ATRX: variants seen among roughly 807,000 people sequenced by gnomAD.
ATRX encodes the protein ATRX chromatin remodeler, also known as chromatin remodeler ATRX.
ATRX carries 12 observed loss-of-function variants against 172.6 expected under a neutral mutation model. The observed-to-expected ratio is 0.07, with a 90% CI of 0.04 to 0.11. The LOEUF (loss-of-function observed/expected upper bound fraction) is 0.11, where lower values mean the gene tolerates loss of function less well. Ranked by LOEUF, ATRX falls within the 10% of genes least tolerant of loss-of-function variation. ATRX has a pLI of 1.00. For synonymous variants in ATRX, 674 were observed against 594.7 expected (o/e 1.13, Z -1.94); for missense variants, 1,368 against 1,767.4 (o/e 0.77, Z 4.05).
chrX:77,650,718 G>A (rs2069172049), intron 15 of ATRX, among the ~76,000 whole-genome samples: 1 of 110,448 alleles, frequency 9.1e-6, no homozygotes, highest in South Asian at 3.9e-4. Context: ...CCAAGAGGCT[G>A]AGATCACAGG....
In ATRX at chrX:77,623,635, A is replaced by G. The variant is rs149058594; in HGVS notation, c.5135-3103T>C. On this transcript the variant is annotated intron_variant, in intron 19 of 34. Transcript: ENST00000373344. ...ACAGACCATTATCCTCAATGAACAT[A>G]GATGCTAAAATCCTTAACAAAAATA... 3.5e-3 allele frequency among the ~76,000 whole-genome samples: 390 copies of G among 112,142 alleles called. 3 individuals carry two copies. Among genetic ancestry groups the G allele is most frequent in the African/African-American group, 0.012 (372 of 30,909 alleles).
intron 1 of ATRX, among the ~76,000 whole-genome samples, chrX:77,735,710 G>A (rs1239725029): frequency 2.0e-5 from 2 of 97,855 alleles, no homozygotes; most frequent in Non-Finnish European, 4.1e-5. Flanking sequence ...GCTGAGGCTG[G>A]AGAATGGCGT....
In ATRX at chrX:77,643,149, T is replaced by C. The variant is rs975867092; in HGVS notation, c.4558-7093A>G. Among the ~76,000 whole-genome samples the C allele has an allele frequency of 5.4e-5, 6 of 111,221 alleles. No individual in the cohort carries two copies. The East Asian group carries it at 8.5e-4, about 16-fold the overall frequency. On this transcript the variant is annotated intron_variant, in intron 15 of 34. Transcript: ENST00000373344. Reference sequence around the variant, plus strand: ...AGCAGATGTTATTTACAAATTATTGTGTAAATTTTATCTAACCTGTCTGAA... The same window carrying C: ...AGCAGATGTTATTTACAAATTATTGCGTAAATTTTATCTAACCTGTCTGAA...
At position 77,684,150 on chromosome X, in the gene ATRX, C is replaced by A. The variant is rs782039983; in HGVS notation, c.1106G>T (p.Ser369Ile). 8.3e-7 allele frequency: 1 copy of A among 1,208,060 alleles called. No homozygotes were observed. Among genetic ancestry groups the A allele is most frequent in the Non-Finnish European group, 1.1e-6 (1 of 893,413 alleles). ...LIETTANMNS[S>I]YVKFLKQATD... ...TGCCTGCTTTAAAAATTTAACATAA[C>A]TGGAGTTCATGTTGGCTGTGGTCTC... is the stretch of plus-strand genomic sequence containing the variant. Residue 369 changes from serine (S) to isoleucine (I), a missense_variant, in exon 9 of 35, where the codon AGT (serine) becomes ATT (isoleucine). By Grantham distance (142) the Ser-to-Ile change is moderately radical. Around this residue, in one of 17 missense-constraint regions of ATRX, gnomAD observed 843 missense variants for 643.1 expected, o/e 1.31. Coordinates refer to ENST00000373344, the MANE Select transcript of ATRX (RefSeq NM_000489.6).
chrX:77,619,009 A>C, intron 20 of ATRX, 28 bp from the exon 21 acceptor site: 1 of 1,051,726 alleles, frequency 9.5e-7, no homozygotes, highest in South Asian at 2.0e-5. Context: ...ATTCATTAAC[A>C]ACATTAACAA....
intron 1 of ATRX, among the ~76,000 whole-genome samples, chrX:77,763,465 CTTTT>C (rs1312728503): frequency 1.3e-5 from 1 of 74,344 alleles, no homozygotes; most frequent in Admixed American, 1.6e-4. Context: ...TTTCTTTTTT[CTTTT>C]TTTTAAAAAA....
In ATRX at chrX:77,718,622, T is replaced by G. The variant is rs191033839; in HGVS notation, c.21-1379A>C. On this transcript the variant is annotated intron_variant, in intron 1 of 34. Transcript: ENST00000373344. ...ATCTCCTGACCTCGTGATCCACCCA[T>G]CTCGGCCTCCCAAAGTGCTGGGATT... is the stretch of plus-strand genomic sequence containing the variant. Among the ~76,000 whole-genome samples the G allele has an allele frequency of 1.1e-4, 12 of 110,834 alleles. No individual in the cohort carries two copies. In the East Asian group the frequency reaches 3.4e-3, roughly 32 times the overall value.
chrX:77,711,655 T>G (rs1415019514), intron 2 of ATRX, among the ~76,000 whole-genome samples: 1 of 111,200 alleles, frequency 9.0e-6, no homozygotes, highest in African/African-American at 3.3e-5. Flanking sequence ...GCCAACATGG[T>G]GAAACACTGC....
chrX:77,588,862 A>G (rs1247381359), intron 27 of ATRX, among the ~76,000 whole-genome samples: 1 of 112,314 alleles, frequency 8.9e-6, no homozygotes, highest in Non-Finnish European at 1.9e-5. Context: ...CAACAAGTAC[A>G]TTAAAAGATG....
chrX:77,736,622 C>T (rs1359467776), intron 1 of ATRX, among the ~76,000 whole-genome samples: 3 of 112,382 alleles, frequency 2.7e-5, no homozygotes, highest in Non-Finnish European at 3.8e-5. Flanking sequence ...TTGGCAACAA[C>T]GTGAAATAGG....
rs782022655 is a variant in ATRX, at chrX:77,766,587, G to A, written c.20+19395C>T. Among the ~76,000 whole-genome samples, 24 of 106,203 alleles carry A rather than the reference G, an allele frequency of 2.3e-4. No individual in the cohort carries two copies. In the East Asian group the frequency reaches 4.6e-3, roughly 20 times the overall value. The allele number at this position is 106,203 out of a possible 115,157, so 92.2% of individuals were successfully genotyped here. A position where few individuals can be genotyped will look rare whatever the true frequency, so the allele number is the denominator to read the frequency against. On this transcript the variant is annotated intron_variant, in intron 1 of 34. Coordinates refer to ENST00000373344, the MANE Select transcript of ATRX (RefSeq NM_000489.6). Reference sequence around the variant, plus strand: ...GCGCTCCTCACATCCCAGACGGGGCGGCGGGGCAGAGGCGCTCCCCACATC... The same window carrying A: ...GCGCTCCTCACATCCCAGACGGGGCAGCGGGGCAGAGGCGCTCCCCACATC...
rs781787358 is a variant in ATRX, at chrX:77,660,275, A to G, written c.4120+3107T>C. On this transcript the variant is annotated intron_variant, in intron 12 of 34. Transcript: ENST00000373344. ...TTGCAGCCATATTGCAAAGAAATTT[A>G]TAAGACAAGCTGGGCGCAGTGGCTC... Among the ~76,000 whole-genome samples the G allele has an allele frequency of 5.3e-5, 6 of 112,220 alleles. No individual in the cohort carries two copies. The South Asian group carries it at 2.2e-3, about 41-fold the overall frequency.
intron 1 of ATRX, among the ~76,000 whole-genome samples, chrX:77,743,357 G>A (rs1429543366): frequency 9.0e-6 from 1 of 110,960 alleles, no homozygotes; most frequent in African/African-American, 3.3e-5. Flanking sequence ...CATTTTGCCA[G>A]CAGCCTGAAG....
intron 19 of ATRX, among the ~76,000 whole-genome samples, chrX:77,624,112 A>AGTGTAACGGG (rs2067711674): frequency 8.9e-6 from 1 of 111,895 alleles, no homozygotes; most frequent in Non-Finnish European, 1.9e-5. Context: ...CACGCCTGTA[A>AGTGTAACGGG]TCCCAGCACT....
intron 22 of ATRX, among the ~76,000 whole-genome samples, chrX:77,609,166 A>G (rs1486131383): frequency 8.9e-6 from 1 of 111,818 alleles, no homozygotes; most frequent in African/African-American, 3.2e-5. Flanking sequence ...ACTATGGAGA[A>G]AAGTTTGGAG....
At position 77,716,110 on chromosome X, in the gene ATRX, A is replaced by T. The variant is rs868942434; in HGVS notation, c.133+1021T>A. ...ACATAGCAAGACCATGTCTCTAAAA[A>T]TTTTTTTTTTTTTTTTTTTTTTTTT... On this transcript the variant is annotated intron_variant, in intron 2 of 34. Transcript: ENST00000373344. Among the ~76,000 whole-genome samples, 235 of 54,371 alleles carry T rather than the reference A, an allele frequency of 4.3e-3. 1 individual carries two copies. The highest frequency in any genetic ancestry group is 9.0e-3 in the African/African-American group (77 of 8,600). 47.2% of individuals were successfully genotyped at this position (54,371 alleles called of 115,157 possible).
intron 2 of ATRX, among the ~76,000 whole-genome samples, chrX:77,705,730 A>G (rs1184175960): frequency 1.8e-5 from 2 of 112,299 alleles, no homozygotes; most frequent in African/African-American, 6.5e-5. Context: ...ACAAAGAGTT[A>G]AAATTCATAG....
At chrX:77,552,109 C>T (rs1435896784) in intron 30 of ATRX, among the ~76,000 whole-genome samples, 2 of 111,315 alleles carry the variant, frequency 1.8e-5, no homozygotes, top group East Asian at 5.7e-4. Context: ...ACCCAGCAAT[C>T]CCATTACTGG....
rs1260538803 is a variant in ATRX, at chrX:77,607,456, G to A, written c.5567-6892C>T. 9.0e-5 allele frequency among the ~76,000 whole-genome samples: 10 copies of A among 111,665 alleles called. 1 individual carries two copies. Among genetic ancestry groups the A allele is most frequent in the African/African-American group, 2.9e-4 (9 of 30,779 alleles). Reference sequence around the variant, plus strand: ...AGGCAGGGCACGGTGGCTCATGCCTGTAATCCCAGCACTTTGGGAGATCAA... The same window carrying A: ...AGGCAGGGCACGGTGGCTCATGCCTATAATCCCAGCACTTTGGGAGATCAA... On this transcript the variant is annotated intron_variant, in intron 22 of 34. Transcript: ENST00000373344.
Sources: allele counts gnomAD v4.1 joint callset (sites outside exome capture counted in the v4.1 genomes callset), GRCh38; gene constraint gnomAD v4.1.1; regional missense constraint gnomAD v4.1.1; transcripts MANE v1.5; gene names NCBI Gene and HGNC (gene_info 2026-07-23, HGNC 2026-07-21).